Variants in DNM3 observed in about 807,000 individuals in gnomAD.
The protein encoded by DNM3 is dynamin-3.
A neutral mutation model predicts 101.6 loss-of-function variants in DNM3; 47 were observed. The observed-to-expected ratio is 0.46, with a 90% CI of 0.37 to 0.59. The LOEUF is 0.59. Ranked by LOEUF, DNM3 falls within the 20% of genes least tolerant of loss-of-function variation. DNM3 has a pLI of 0.00. For synonymous variants in DNM3, 385 were observed against 387.9 expected, an observed-to-expected ratio of 0.99 and a Z score of 0.09; for missense variants, 849 against 1,085.7, an observed-to-expected ratio of 0.78 and a Z score of 3.06.
intron 2 of DNM3, among the ~76,000 whole-genome samples, chr1:171,968,800 C>G (rs942341184): frequency 1.3e-5 from 2 of 152,126 alleles, no homozygotes; most frequent in Non-Finnish European, 2.9e-5. Context: ...AAAAATGGGA[C>G]TAAATTTAAA....
chr1:171,962,895 G>A (rs2043310587), intron 2 of DNM3, among the ~76,000 whole-genome samples: 1 of 152,178 alleles, frequency 6.6e-6, no homozygotes, highest in Non-Finnish European at 1.5e-5. Flanking sequence ...CTAAATGCTA[G>A]CAAGGATGTG....
chr1:172,052,840 C>T (rs2050303673), intron 10 of DNM3, among the ~76,000 whole-genome samples: 1 of 152,280 alleles, frequency 6.6e-6, no homozygotes. Context: ...TCAACTACCA[C>T]TTAAAATATT....
At chr1:171,861,841 G>A (rs1323622246) in intron 1 of DNM3, among the ~76,000 whole-genome samples, 1 of 152,142 alleles carries the variant, frequency 6.6e-6, no homozygotes, top group Non-Finnish European at 1.5e-5. Context: ...AATTATATAT[G>A]TGATAGGGAA....
At chr1:172,363,013 C>T (rs1193415147) in intron 17 of DNM3, among the ~76,000 whole-genome samples, 1 of 151,840 alleles carries the variant, frequency 6.6e-6, no homozygotes, top group Non-Finnish European at 1.5e-5. Context: ...GGCACTTCTT[C>T]CACCTCCTTA....
intron 14 of DNM3, among the ~76,000 whole-genome samples, chr1:172,214,297 A>G (rs2060616371): frequency 6.6e-6 from 1 of 152,164 alleles, no homozygotes; most frequent in African/African-American, 2.4e-5. Context: ...TGCTGTTAAC[A>G]AAGAAAAGTT....
intron 1 of DNM3, among the ~76,000 whole-genome samples, chr1:171,892,458 G>T (rs559538207): frequency 5.3e-5 from 8 of 152,092 alleles, no homozygotes; most frequent in African/African-American, 1.9e-4. Context: ...AAATATTTCT[G>T]TATGTAATCA....
chr1:172,016,394 C>G (rs1391358596), intron 4 of DNM3, among the ~76,000 whole-genome samples: 2 of 151,908 alleles, frequency 1.3e-5, no homozygotes, highest in Admixed American at 6.6e-5. Context: ...ATTTTTTCCC[C>G]TGCTTTATCC....
At chr1:172,113,477 G>C (rs1027410118) in intron 13 of DNM3, among the ~76,000 whole-genome samples, 2 of 151,796 alleles carry the variant, frequency 1.3e-5, no homozygotes, top group African/African-American at 4.8e-5. Context: ...AAAATTAGTC[G>C]GGCCTGGTGG....
intron 1 of DNM3, among the ~76,000 whole-genome samples, chr1:171,863,064 A>C (rs1408908153): frequency 6.7e-6 from 1 of 149,928 alleles, no homozygotes; most frequent in East Asian, 1.9e-4. Context: ...TTTTTTAAAG[A>C]CAATACATAA....
At chr1:172,133,208 A>C in intron 14 of DNM3, 1 of 1,241,644 alleles carries the variant, frequency 8.1e-7, no homozygotes. Context: ...AGCCCATTGG[A>C]AGGTATAGGA....
At chr1:172,236,681 C>G (rs1213063178) in intron 14 of DNM3, among the ~76,000 whole-genome samples, 2 of 152,058 alleles carry the variant, frequency 1.3e-5, no homozygotes, top group African/African-American at 4.8e-5. Context: ...AATACATACT[C>G]TGTTAACTAA....
At chr1:172,058,488 A>G (rs1028882723) in intron 10 of DNM3, among the ~76,000 whole-genome samples, 10 of 151,890 alleles carry the variant, frequency 6.6e-5, no homozygotes, top group African/African-American at 1.9e-4. Context: ...AAATTATAAC[A>G]AACTATCTCT....
chr1:172,143,538 A>C (rs1179817364), intron 14 of DNM3, among the ~76,000 whole-genome samples: 1 of 150,868 alleles, frequency 6.6e-6, no homozygotes, highest in Non-Finnish European at 1.5e-5. Context: ...ACCCTCTTTC[A>C]CCTCCAGGAC....
chr1:172,244,886 C>G (rs1027348503), intron 14 of DNM3, among the ~76,000 whole-genome samples: 1 of 152,176 alleles, frequency 6.6e-6, no homozygotes, highest in African/African-American at 2.4e-5. Flanking sequence ...AATCATGCTG[C>G]TATAAAGTTA....
At chr1:171,941,999 G>A (rs1341798742) in intron 2 of DNM3, among the ~76,000 whole-genome samples, 1 of 152,002 alleles carries the variant, frequency 6.6e-6, no homozygotes, top group African/African-American at 2.4e-5. Flanking sequence ...ATATTGGAGG[G>A]TGACTTCTTT....
intron 15 of DNM3, among the ~76,000 whole-genome samples, chr1:172,302,837 C>T (rs2064537761): frequency 6.6e-6 from 1 of 152,112 alleles, no homozygotes; most frequent in Non-Finnish European, 1.5e-5. Flanking sequence ...GCATCAACAT[C>T]AACAAAAAGG....
At position 172,407,874 on chromosome 1, in the gene DNM3, T is replaced by G. The variant is rs779111456; in HGVS notation, c.*33T>G. On this transcript the variant is annotated 3_prime_UTR_variant, in exon 21 of 21. Transcript: ENST00000627582. ...GTCTGGCATGGCAATTAATCACTAA[T>G]GAATTATGCGAAAGCAACATATTTG... 3.7e-6 allele frequency: 6 copies of G among 1,612,588 alleles called. No homozygotes were observed. In the Admixed American group the frequency reaches 1.0e-4, roughly 27 times the overall value.
rs182878252 is a variant in DNM3 at position 172,316,647 on chromosome 1, A to G, written c.1882-6682A>G. 3.2e-3 allele frequency among the ~76,000 whole-genome samples: 491 copies of G among 152,268 alleles called. 2 individuals are homozygous for G. Among genetic ancestry groups the G allele is most frequent in the Non-Finnish European group, 4.6e-3 (314 of 68,026 alleles). Reference sequence around the variant, plus strand: ...AAGATCAAAAGAGACAAAGAAGGCTATTACATAATGGTAAATGGATCAATT... The same window carrying G: ...AAGATCAAAAGAGACAAAGAAGGCTGTTACATAATGGTAAATGGATCAATT... On this transcript the variant is annotated intron_variant, in intron 16 of 20. Transcript: ENST00000627582.
rs550548599 is a variant in DNM3 at position 171,851,750 on chromosome 1, T to C, written c.161+9933T>C. On this transcript the variant is annotated intron_variant, in intron 1 of 20. Transcript: ENST00000627582. ...TTTTAAACTGTAGATTGTGACCTAATAGTGGGCCATGATATCAGTTTAGTA... is the reference window on the plus strand; with the variant it reads ...TTTTAAACTGTAGATTGTGACCTAACAGTGGGCCATGATATCAGTTTAGTA... Among the ~76,000 whole-genome samples, 32 of 152,350 alleles carry C rather than the reference T, an allele frequency of 2.1e-4. 2 individuals are homozygous for C. In the South Asian group the frequency reaches 4.6e-3, roughly 22 times the overall value.
Sources: allele counts gnomAD v4.1 joint callset (sites outside exome capture counted in the v4.1 genomes callset), GRCh38; gene constraint gnomAD v4.1.1; transcripts MANE v1.5; gene names NCBI Gene and HGNC (gene_info 2026-07-23, HGNC 2026-07-21).